The following RAB38 variants were observed in gnomAD, a reference collection of about 807,000 sequenced individuals.
RAB38 encodes the protein ras-related protein Rab-38.
In RAB38, 15 loss-of-function variants were observed where a neutral mutation model predicts 18.4. The observed-to-expected ratio is 0.82, with a 90% CI of 0.55 to 1.26. RAB38 has a LOEUF of 1.26. RAB38 is among the 50% of genes most tolerant of loss of function. The pLI is 0.00. For missense variants in RAB38, 294 were observed against 267.4 expected (o/e 1.10, Z -0.69); for synonymous variants, 101 against 104.4 (o/e 0.97, Z 0.20).
intron 2 of RAB38, among the ~76,000 whole-genome samples, chr11:88,138,400 G>A (rs1195839428): frequency 7.4e-6 from 1 of 135,628 alleles, no homozygotes; most frequent in African/African-American, 2.5e-5. Context: ...CTGAAAAGAT[G>A]GGGAAGTGGG....
At chr11:88,088,241 C>G in the RAB38 span, among the ~76,000 whole-genome samples, 4 of 151,914 alleles carry the variant, frequency 2.6e-5, no homozygotes, top group Non-Finnish European at 4.4e-5. Context: ...GCTACTATGT[C>G]CACCCACAGC....
At chr11:88,019,117 A>G in the RAB38 span, among the ~76,000 whole-genome samples, 5 of 151,974 alleles carry the variant, frequency 3.3e-5, no homozygotes, top group Admixed American at 6.6e-5. Context: ...TAACCACACT[A>G]TACTCTTTTC....
chr11:88,171,129 A>G (rs1943307603), intron 1 of RAB38, among the ~76,000 whole-genome samples: 1 of 152,276 alleles, frequency 6.6e-6, no homozygotes, highest in Non-Finnish European at 1.5e-5. Flanking sequence ...CAACAGGAAT[A>G]ATAGCTAACA....
the RAB38 span, among the ~76,000 whole-genome samples, chr11:87,910,155 A>G: frequency 2.6e-5 from 4 of 152,098 alleles, no homozygotes; most frequent in African/African-American, 9.6e-5. Context: ...TTTTTCTACT[A>G]ACTAATTATG....
chr11:88,100,524 A>G, the RAB38 span, among the ~76,000 whole-genome samples: 1 of 152,006 alleles, frequency 6.6e-6, no homozygotes. Context: ...CCATCAAAGA[A>G]TCTGGCTCCC....
At chr11:87,818,334 A>T in the RAB38 span, among the ~76,000 whole-genome samples, 2 of 152,198 alleles carry the variant, frequency 1.3e-5, no homozygotes, top group African/African-American at 4.8e-5. Context: ...CACGATGATA[A>T]TAACACTATT....
chr11:87,805,457 G>T, the RAB38 span, among the ~76,000 whole-genome samples: 1 of 151,496 alleles, frequency 6.6e-6, no homozygotes, highest in African/African-American at 2.4e-5. Flanking sequence ...TTGTTAATTT[G>T]CTTGACAAAT....
the RAB38 span, among the ~76,000 whole-genome samples, chr11:87,921,574 A>ATT: frequency 6.7e-6 from 1 of 148,206 alleles, no homozygotes; most frequent in Non-Finnish European, 1.5e-5. Flanking sequence ...TATAATATAT[A>ATT]TTATATATAT....
chr11:88,153,945 C>T (rs953815911), intron 1 of RAB38, among the ~76,000 whole-genome samples: 1 of 152,140 alleles, frequency 6.6e-6, no homozygotes, highest in African/African-American at 2.4e-5. Context: ...TCCACCAGGA[C>T]AACTCAAATT....
the RAB38 span, among the ~76,000 whole-genome samples, chr11:87,878,256 ATC>A: frequency 2.7e-5 from 1 of 37,272 alleles, no homozygotes; most frequent in East Asian, 8.0e-4. Flanking sequence ...CCTATCATCT[ATC>A]TATCTATCTA....
the RAB38 span, among the ~76,000 whole-genome samples, chr11:87,900,040 G>T: frequency 6.6e-6 from 1 of 151,252 alleles, no homozygotes; most frequent in Non-Finnish European, 1.5e-5. Context: ...AGACACTGAC[G>T]GGCATGCTGG....
the RAB38 span, among the ~76,000 whole-genome samples, chr11:87,967,489 A>G: frequency 1.3e-5 from 2 of 152,158 alleles, no homozygotes; most frequent in African/African-American, 4.8e-5. Flanking sequence ...AAAAAACAAG[A>G]CTATCCTTAG....
At chr11:87,928,970 C>T in the RAB38 span, among the ~76,000 whole-genome samples, 1 of 151,950 alleles carries the variant, frequency 6.6e-6, no homozygotes, top group Non-Finnish European at 1.5e-5. Context: ...CAAAAAATAG[C>T]TGTGTGTGGT....
chr11:88,075,169 G>T, the RAB38 span, among the ~76,000 whole-genome samples: 1 of 152,104 alleles, frequency 6.6e-6, no homozygotes, highest in East Asian at 1.9e-4. Context: ...AGAAACATTG[G>T]AGTTAAACTA....
At position 88,114,048 on chromosome 11, in the gene RAB38, G is replaced by A. The variant is rs775962565; in HGVS notation, c.576C>T (p.Val192=). 27 of 1,614,036 alleles carry A rather than the reference G, an allele frequency of 1.7e-5. No homozygotes were observed. Among genetic ancestry groups the A allele is most frequent in the South Asian group, 1.5e-4 (14 of 91,090 alleles). The change falls in exon 3 of 3, where the codon GTC becomes GTT. Residue 192 remains valine (V), a synonymous_variant. Coordinates refer to ENST00000243662, the MANE Select transcript of RAB38 (RefSeq NM_022337.3). The part of the protein sequence containing the change: ...CDLMESIEPD[V]VKPHLTSTKV... ...TGGTTGATGTGAGATGGGGCTTCACGACGTCCGGCTCAATAGACTCCATTA... is the reference window on the plus strand; with the variant it reads ...TGGTTGATGTGAGATGGGGCTTCACAACGTCCGGCTCAATAGACTCCATTA...
chr11:88,079,271 T>A, the RAB38 span, among the ~76,000 whole-genome samples: 2 of 151,546 alleles, frequency 1.3e-5, no homozygotes, highest in African/African-American at 4.8e-5. Context: ...ACAGACATTA[T>A]CAGAATAATA....
the RAB38 span, among the ~76,000 whole-genome samples, chr11:88,102,152 C>T: frequency 2.0e-5 from 3 of 152,070 alleles, no homozygotes; most frequent in East Asian, 5.8e-4. Flanking sequence ...ATTAACATAC[C>T]AATTTTGCAG....
chr11:88,081,835 A>G, the RAB38 span, among the ~76,000 whole-genome samples: 1 of 151,950 alleles, frequency 6.6e-6, no homozygotes, highest in Admixed American at 6.6e-5. Flanking sequence ...AGCTTTGTTC[A>G]TAAAAACCAA....
At chr11:88,043,839 G>A in the RAB38 span, among the ~76,000 whole-genome samples, 1 of 152,144 alleles carries the variant, frequency 6.6e-6, no homozygotes, top group South Asian at 2.1e-4. Flanking sequence ...GACCTCCCTT[G>A]GGAGATCAAT....
Sources: gnomAD v4.1 joint callset for allele counts (sites outside exome capture counted in the v4.1 genomes callset) on GRCh38, gnomAD v4.1.1 for gene constraint, MANE v1.5 for transcripts, NCBI Gene and HGNC (gene_info 2026-07-23, HGNC 2026-07-21) for gene names.